Variants in SEMA3E observed in about 807,000 individuals in gnomAD.
The protein encoded by SEMA3E is semaphorin 3E.
Under a neutral mutation model 93.6 loss-of-function variants are expected in SEMA3E, and 49 were observed. The ratio of observed to expected loss-of-function variants is 0.52; its 90% CI spans 0.42 to 0.66. SEMA3E has a LOEUF of 0.66. Among genes scored for constraint, SEMA3E ranks in the 30% least tolerant of loss-of-function variants. The pLI, the probability that SEMA3E is intolerant of heterozygous loss-of-function variation, is 0.00. For missense variants in SEMA3E, 906 were observed against 964.8 expected (o/e 0.94, Z 0.81); for synonymous variants, 363 against 330.7 (o/e 1.10, Z -1.06).
Position 83,554,848 on chromosome 7 carries a change from G to A in SEMA3E, c.116-64574C>T, listed in dbSNP as rs867416107. 7.9e-5 allele frequency among the ~76,000 whole-genome samples: 12 copies of A among 152,130 alleles called. 1 individual carries two copies. In the South Asian group the frequency reaches 2.5e-3, roughly 32 times the overall value. Reference sequence around the variant, plus strand: ...AAAAATTAGCCTGGCGTGGTGGCGGGCGCCTGTAGTCCCAGCTACTAGGGA... The same window carrying A: ...AAAAATTAGCCTGGCGTGGTGGCGGACGCCTGTAGTCCCAGCTACTAGGGA... On this transcript the variant is annotated intron_variant, in intron 1 of 16. Transcript: ENST00000643230.
intron 4 of SEMA3E, among the ~76,000 whole-genome samples, chr7:83,434,431 G>A (rs889132425): frequency 6.6e-6 from 1 of 152,026 alleles, no homozygotes; most frequent in Non-Finnish European, 1.5e-5. Flanking sequence ...CAATCTCAAA[G>A]CAAACTTTAT....
chr7:83,514,094 C>T (rs1440403691), intron 1 of SEMA3E, among the ~76,000 whole-genome samples: 1 of 152,138 alleles, frequency 6.6e-6, no homozygotes, highest in Non-Finnish European at 1.5e-5. Flanking sequence ...TGGTGGTCCT[C>T]ACTACTACAC....
intron 2 of SEMA3E, among the ~76,000 whole-genome samples, chr7:83,471,352 A>G (rs1789890555): frequency 6.9e-6 from 1 of 145,734 alleles, no homozygotes; most frequent in African/African-American, 2.5e-5. Context: ...CTGCACTAGT[A>G]TAGACCGCTC....
At chr7:83,453,471 C>T (rs1431484208) in intron 4 of SEMA3E, among the ~76,000 whole-genome samples, 3 of 148,736 alleles carry the variant, frequency 2.0e-5, no homozygotes, top group African/African-American at 7.4e-5. Context: ...TTTTATGGCC[C>T]GTAATCTCCA....
intron 1 of SEMA3E, among the ~76,000 whole-genome samples, chr7:83,513,805 A>G (rs1790873712): frequency 6.6e-6 from 1 of 152,212 alleles, no homozygotes; most frequent in South Asian, 2.1e-4. Context: ...GCCGTGCTAT[A>G]TTGATCGAGC....
At chr7:83,620,732 A>G (rs1793537692) in intron 1 of SEMA3E, among the ~76,000 whole-genome samples, 1 of 152,178 alleles carries the variant, frequency 6.6e-6, no homozygotes, top group Non-Finnish European at 1.5e-5. Flanking sequence ...AAACAGAAGT[A>G]AAAATAAAAA....
Position 83,544,828 on chromosome 7 carries a change from C to T in SEMA3E, c.116-54554G>A, listed in dbSNP as rs572692081. ...TCTCATCTAGGTGGGACCCTTTATG[C>T]CACTGCTTCATATCTCCTTGGATTA... On this transcript the variant is annotated intron_variant, in intron 1 of 16. Coordinates refer to ENST00000643230, the MANE Select transcript of SEMA3E (RefSeq NM_012431.3). Among the ~76,000 whole-genome samples the T allele has an allele frequency of 1.6e-4, 24 of 151,874 alleles. No individual in the cohort carries two copies. In the South Asian group the frequency reaches 4.4e-3, roughly 28 times the overall value.
intron 1 of SEMA3E, among the ~76,000 whole-genome samples, chr7:83,638,907 C>A (rs192727611): frequency 6.6e-6 from 1 of 151,240 alleles, no homozygotes; most frequent in Admixed American, 6.6e-5. Flanking sequence ...GTCAGGAGAT[C>A]GAGACCATCC....
intron 1 of SEMA3E, among the ~76,000 whole-genome samples, chr7:83,637,918 T>C (rs2115697382): frequency 6.6e-6 from 1 of 152,228 alleles, no homozygotes; most frequent in Admixed American, 6.5e-5. Flanking sequence ...GAAATTGTTG[T>C]ATTCTGTCCC....
At chr7:83,507,435 TG>T (rs1339733116) in intron 1 of SEMA3E, among the ~76,000 whole-genome samples, 1 of 109,754 alleles carries the variant, frequency 9.1e-6, no homozygotes, top group African/African-American at 4.3e-5. Context: ...TGTGTGTGTG[TG>T]TGTGTGTGTG....
At chr7:83,505,561 T>C (rs1027165817) in intron 1 of SEMA3E, among the ~76,000 whole-genome samples, 3 of 152,192 alleles carry the variant, frequency 2.0e-5, no homozygotes, top group African/African-American at 7.2e-5. Flanking sequence ...TTCTCTCACT[T>C]CATAAACTAT....
chr7:83,606,274 G>A (rs1256089809), intron 1 of SEMA3E, among the ~76,000 whole-genome samples: 1 of 152,122 alleles, frequency 6.6e-6, no homozygotes, highest in Non-Finnish European at 1.5e-5. Context: ...CTATTGAATT[G>A]CTGATTCATT....
At chr7:83,611,392 A>T (rs535172144) in intron 1 of SEMA3E, among the ~76,000 whole-genome samples, 2,034 of 140,430 alleles carry the variant, frequency 0.014, 16 homozygotes, top group Non-Finnish European at 0.02. Flanking sequence ...TTTATATATT[A>T]TATATATATA....
chr7:83,444,229 T>G (rs968112408), intron 4 of SEMA3E, among the ~76,000 whole-genome samples: 1 of 152,160 alleles, frequency 6.6e-6, no homozygotes, highest in Non-Finnish European at 1.5e-5. Context: ...GGAATCAGCA[T>G]AGTGAATGCA....
At chr7:83,608,164 G>C (rs544586624) in intron 1 of SEMA3E, among the ~76,000 whole-genome samples, 1 of 151,972 alleles carries the variant, frequency 6.6e-6, no homozygotes, top group African/African-American at 2.4e-5. Context: ...AGTAAGCCAA[G>C]ATCATGCCAT....
At chr7:83,617,875 A>C (rs891861726) in intron 1 of SEMA3E, among the ~76,000 whole-genome samples, 2 of 152,042 alleles carry the variant, frequency 1.3e-5, no homozygotes, top group African/African-American at 4.8e-5. Context: ...TGTCACCAAC[A>C]ATCTAAAATT....
Position 83,367,460 on chromosome 7 carries a change from T to G in SEMA3E, c.*126A>C. 1 of 964,554 alleles carries G rather than the reference T, an allele frequency of 1.0e-6. No individual in the cohort carries two copies. Among genetic ancestry groups the G allele is most frequent in the Non-Finnish European group, 1.7e-6 (1 of 600,876 alleles). The allele number at this position is 964,554 out of a possible 1,614,324, so 59.7% of individuals were successfully genotyped here. On this transcript the variant is annotated 3_prime_UTR_variant, in exon 17 of 17. Coordinates refer to ENST00000643230, the MANE Select transcript of SEMA3E (RefSeq NM_012431.3). ...ATGTAGAATAATTTATTATAACACC[T>G]TCATAGTCATTCCTGTATTACAGAA...
chr7:83,567,691 T>A (rs569170227), intron 1 of SEMA3E, among the ~76,000 whole-genome samples: 2,624 of 152,140 alleles, frequency 0.017, 68 homozygotes, highest in African/African-American at 0.06. Context: ...AAAATTTTTT[T>A]AAATATTATT....
In SEMA3E at chr7:83,612,156, T is replaced by G. The variant is rs192375611; in HGVS notation, c.115+36272A>C. ...ATCATCCTATGTAAAAAAGAATCCCTGGAACACTCTAATCCTCTTAATCTG... is the reference window on the plus strand; with the variant it reads ...ATCATCCTATGTAAAAAAGAATCCCGGGAACACTCTAATCCTCTTAATCTG... On this transcript the variant is annotated intron_variant, in intron 1 of 16. Transcript: ENST00000643230. Among the ~76,000 whole-genome samples, 258 of 152,274 alleles carry G rather than the reference T, an allele frequency of 1.7e-3. 3 individuals are homozygous for G. Among genetic ancestry groups the G allele is most frequent in the Admixed American group, 0.015 (223 of 15,270 alleles).
Sources: allele counts gnomAD v4.1 joint callset (sites outside exome capture counted in the v4.1 genomes callset), GRCh38; gene constraint gnomAD v4.1.1; transcripts MANE v1.5; gene names NCBI Gene and HGNC (gene_info 2026-07-23, HGNC 2026-07-21).